Variants in CCDC60 observed in about 807,000 individuals in gnomAD.
CCDC60 encodes coiled-coil domain-containing protein 60.
Under a neutral mutation model 63.5 loss-of-function variants are expected in CCDC60, and 54 were observed. The ratio of observed to expected loss-of-function variants is 0.85; its 90% CI spans 0.68 to 1.07. The LOEUF is 1.07. Among genes scored for constraint, CCDC60 ranks in the 50% least tolerant of loss-of-function variants. CCDC60 has a pLI of 0.00. For synonymous variants in CCDC60, 206 were observed against 238.8 expected (o/e 0.86, Z 1.27); for missense variants, 651 against 684.3 (o/e 0.95, Z 0.54).
At chr12:119,368,172 G>A (rs1955862042) in intron 1 of CCDC60, among the ~76,000 whole-genome samples, 1 of 133,998 alleles carries the variant, frequency 7.5e-6, no homozygotes, top group African/African-American at 2.8e-5. Flanking sequence ...GAGGAGGAAG[G>A]GGAGGAGGAG....
chr12:119,437,359 C>T (rs952570326), intron 2 of CCDC60, among the ~76,000 whole-genome samples: 3 of 152,172 alleles, frequency 2.0e-5, no homozygotes, highest in Non-Finnish European at 4.4e-5. Flanking sequence ...TTTATTCGAA[C>T]CCAGATTTTC....
intron 3 of CCDC60, among the ~76,000 whole-genome samples, chr12:119,478,451 A>G (rs1030387409): frequency 1.1e-4 from 17 of 152,132 alleles, no homozygotes; most frequent in Admixed American, 9.8e-4. Context: ...ATGGTATTAA[A>G]TTGCTGTTTC....
chr12:119,534,318 G>T (rs1434505736), intron 13 of CCDC60, among the ~76,000 whole-genome samples: 1 of 152,150 alleles, frequency 6.6e-6, no homozygotes, highest in African/African-American at 2.4e-5. Flanking sequence ...ATTTTGGGCT[G>T]AGACAATGGG....
At chr12:119,445,014 G>A (rs1950515490) in intron 2 of CCDC60, among the ~76,000 whole-genome samples, 1 of 151,670 alleles carries the variant, frequency 6.6e-6, no homozygotes, top group Non-Finnish European at 1.5e-5. Context: ...TTTCCCCAAA[G>A]TGAAAATACC....
At chr12:119,507,490 A>G (rs1952040002) in intron 7 of CCDC60, among the ~76,000 whole-genome samples, 1 of 143,262 alleles carries the variant, frequency 7.0e-6, no homozygotes, top group African/African-American at 2.6e-5. Context: ...ATATACACAT[A>G]TATACATATA....
intron 1 of CCDC60, among the ~76,000 whole-genome samples, chr12:119,393,425 G>A (rs1956195652): frequency 6.6e-6 from 1 of 152,198 alleles, no homozygotes; most frequent in Non-Finnish European, 1.5e-5. Flanking sequence ...TTTCACAAAT[G>A]ATTCCTTGTT....
chr12:119,396,965 T>C lies in CCDC60; in HGVS notation c.91-31718T>C, dbSNP rs1317215533. Among the ~76,000 whole-genome samples the C allele has an allele frequency of 5.3e-5, 8 of 152,318 alleles. No individual in the cohort carries two copies. The East Asian group carries it at 1.5e-3, about 29-fold the overall frequency. On this transcript the variant is annotated intron_variant, in intron 1 of 13. Coordinates refer to ENST00000327554, the MANE Select transcript of CCDC60 (RefSeq NM_178499.5). ...GTTTGTTCCTTCAGATGTTCAGATG[T>C]GTCCAGAGTTTCTTCTTTCTAGTGG...
intron 7 of CCDC60, among the ~76,000 whole-genome samples, chr12:119,512,784 G>T (rs1274845136): frequency 6.6e-6 from 1 of 152,196 alleles, no homozygotes; most frequent in Non-Finnish European, 1.5e-5. Flanking sequence ...ATGCAATCAG[G>T]TTGCACCACT....
At chr12:119,522,185 A>G (rs1465325034) in intron 9 of CCDC60, among the ~76,000 whole-genome samples, 1 of 152,218 alleles carries the variant, frequency 6.6e-6, no homozygotes, top group South Asian at 2.1e-4. Context: ...TGGAAGAAAG[A>G]AGGGGAAACA....
rs1399396042 is a variant in CCDC60, at chr12:119,420,428, T to A, written c.91-8255T>A. ...CAACATGGATGGAACTGGAGATCAT[T>A]ATGTTAAGTGTGTTAAGTGAAACAA... On this transcript the variant is annotated intron_variant, in intron 1 of 13. Transcript: ENST00000327554. This position sits in a 1 kb window ranked among gnomAD's most constrained non-coding sequence, Gnocchi z 4.1. 6.6e-6 allele frequency among the ~76,000 whole-genome samples: 1 copy of A among 152,130 alleles called. No homozygotes were observed. The highest frequency in any genetic ancestry group is 1.5e-5 in the Non-Finnish European group (1 of 68,024).
At chr12:119,417,421 G>T (rs1357544203) in intron 1 of CCDC60, among the ~76,000 whole-genome samples, 5 of 152,022 alleles carry the variant, frequency 3.3e-5, no homozygotes, top group Admixed American at 3.3e-4. Flanking sequence ...ACATCAGCAA[G>T]ATTTTTCTTT....
chr12:119,443,849 T>C (rs1055963861), intron 2 of CCDC60, among the ~76,000 whole-genome samples: 2 of 152,222 alleles, frequency 1.3e-5, no homozygotes, highest in Non-Finnish European at 1.5e-5. Flanking sequence ...TGAGTCTCAC[T>C]GCCCTCATCT....
chr12:119,369,933 C>A (rs1955881147), intron 1 of CCDC60, among the ~76,000 whole-genome samples: 1 of 152,138 alleles, frequency 6.6e-6, no homozygotes, highest in South Asian at 2.1e-4. Flanking sequence ...CAATCCACCA[C>A]CTAAAATCAG....
chr12:119,472,721 CA>C (rs1020665904), intron 3 of CCDC60, among the ~76,000 whole-genome samples: 2 of 151,838 alleles, frequency 1.3e-5, no homozygotes, highest in African/African-American at 4.8e-5. Context: ...GCTGGGATTA[CA>C]GGTGCCCACC....
chr12:119,439,181 G>C (rs1473293492), intron 2 of CCDC60, among the ~76,000 whole-genome samples: 2 of 140,130 alleles, frequency 1.4e-5, no homozygotes, highest in Non-Finnish European at 1.5e-5. Context: ...AAAAGAGTTA[G>C]CTCAGTCCCT....
intron 6 of CCDC60, among the ~76,000 whole-genome samples, chr12:119,503,190 T>A (rs2136423491): frequency 6.6e-6 from 1 of 152,048 alleles, no homozygotes; most frequent in South Asian, 2.1e-4. Flanking sequence ...AAAATAAAAA[T>A]AAAAAAATTA....
chr12:119,415,024 A>T (rs1956674748), intron 1 of CCDC60, among the ~76,000 whole-genome samples: 1 of 152,256 alleles, frequency 6.6e-6, no homozygotes, highest in Non-Finnish European at 1.5e-5. Flanking sequence ...GAGATTGATA[A>T]TGCAAAATGC....
chr12:119,532,715 G>C (rs1952887945), intron 13 of CCDC60, among the ~76,000 whole-genome samples: 1 of 151,986 alleles, frequency 6.6e-6, no homozygotes. Flanking sequence ...ATGATTTCCA[G>C]CTTCATCTAT....
At chr12:119,387,074 A>ACACACACT (rs1565979875) in intron 1 of CCDC60, among the ~76,000 whole-genome samples, 2 of 142,304 alleles carry the variant, frequency 1.4e-5, no homozygotes, top group East Asian at 4.1e-4. Flanking sequence ...ACACACACAC[A>ACACACACT]CTCTCCAATT....
Sources: allele counts gnomAD v4.1 joint callset (sites outside exome capture counted in the v4.1 genomes callset), GRCh38; gene constraint gnomAD v4.1.1; non-coding constraint Gnocchi (gnomAD v3.1); transcripts MANE v1.5; gene names NCBI Gene and HGNC (gene_info 2026-07-23, HGNC 2026-07-21).